The following GPC5 variants were observed in gnomAD, a reference collection of about 807,000 sequenced individuals.
GPC5 encodes glypican-5.
A neutral mutation model predicts 53.9 loss-of-function variants in GPC5; 47 were observed. The ratio of observed to expected loss-of-function variants is 0.87; its 90% confidence interval spans 0.69 to 1.11. GPC5 has a LOEUF of 1.11. Ranked by LOEUF, GPC5 falls within the 50% of genes most tolerant of loss-of-function variation. GPC5 has a pLI of 0.00. For synonymous variants in GPC5, 286 were observed against 263.3 expected (o/e 1.09, Z -0.84); for missense variants, 748 against 713.1 (o/e 1.05, Z -0.56).
Position 91,571,765 on chromosome 13 carries a change from A to ATGTGTATATACACACACATATACGTG in GPC5, c.326-121411_326-121386dup, listed in dbSNP as rs1278744477. 5.2e-3 allele frequency among the ~76,000 whole-genome samples: 352 copies of ATGTGTATATACACACACATATACGTG among 67,700 alleles called. 23 individuals are homozygous for ATGTGTATATACACACACATATACGTG. Among genetic ancestry groups the ATGTGTATATACACACACATATACGTG allele is most frequent in the Non-Finnish European group, 7.1e-3 (279 of 39,390 alleles). The allele number at this position is 67,700 out of a possible 152,430, so 44.4% of individuals were successfully genotyped here. A position where few individuals can be genotyped will look rare whatever the true frequency, so the allele number is the denominator to read the frequency against. ...TATATATACACACATATACATGTGT[A>ATGTGTATATACACACACATATACGTG]TGTGTATATACACACACATATACGT... On this transcript the variant is annotated intron_variant, in intron 2 of 7. Coordinates refer to ENST00000377067, the MANE Select transcript of GPC5 (RefSeq NM_004466.6).
rs192245253 is a variant in GPC5 at position 92,532,781 on chromosome 13, A to T, written c.1562-333501A>T. Reference sequence around the variant, plus strand: ...ATATTTTCAAGAGTGGTTATTTAACATTCTTATTTCACTTTCCTTCAGGGC... The same window carrying T: ...ATATTTTCAAGAGTGGTTATTTAACTTTCTTATTTCACTTTCCTTCAGGGC... On this transcript the variant is annotated intron_variant, in intron 7 of 7. Transcript: ENST00000377067. 2.8e-3 allele frequency among the ~76,000 whole-genome samples: 424 copies of T among 152,268 alleles called. 3 individuals carry two copies. Among genetic ancestry groups the T allele is most frequent in the African/African-American group, 9.5e-3 (396 of 41,570 alleles).
chr13:92,442,537 T>C (rs556140620), intron 7 of GPC5, among the ~76,000 whole-genome samples: 22 of 152,296 alleles, frequency 1.4e-4, no homozygotes, highest in African/African-American at 5.3e-4. Flanking sequence ...TTTAAATGTA[T>C]ATATCAACTG....
chr13:91,442,697 T>C (rs914072646), intron 1 of GPC5, among the ~76,000 whole-genome samples: 2 of 152,230 alleles, frequency 1.3e-5, no homozygotes, highest in African/African-American at 2.4e-5. Flanking sequence ...AGAGACAAGA[T>C]CAGACTCATG....
At chr13:92,030,589 A>C (rs1346796209) in intron 6 of GPC5, among the ~76,000 whole-genome samples, 1 of 151,880 alleles carries the variant, frequency 6.6e-6, no homozygotes, top group African/African-American at 2.4e-5. Flanking sequence ...CAACTCTCTA[A>C]GGCTTCTGCC....
chr13:92,285,148 A>C (rs995394993), intron 7 of GPC5, among the ~76,000 whole-genome samples: 3 of 152,302 alleles, frequency 2.0e-5, no homozygotes, highest in East Asian at 1.9e-4. Flanking sequence ...CAATTGCTTC[A>C]AAGAGAATAA....
intron 7 of GPC5, among the ~76,000 whole-genome samples, chr13:92,218,409 T>A (rs2042426024): frequency 6.6e-6 from 1 of 152,236 alleles, no homozygotes; most frequent in East Asian, 1.9e-4. Context: ...CAAGTGATGT[T>A]ACTTTAGGTA....
rs150764626 is a variant in GPC5 at position 92,094,456 on chromosome 13, G to T, written c.1402-50374G>T. On this transcript the variant is annotated intron_variant, in intron 6 of 7. Transcript: ENST00000377067. ...AATGGCGTTGAACCTGGGAGGCGGA[G>T]CTTGCAGTGAGCCGAAATCGTACCA... Among the ~76,000 whole-genome samples, 625 of 144,104 alleles carry T rather than the reference G, an allele frequency of 4.3e-3. 2 individuals are homozygous for T. Among genetic ancestry groups the T allele is most frequent in the Non-Finnish European group, 5.8e-3 (392 of 67,126 alleles). The allele number at this position is 144,104 out of a possible 152,430, so 94.5% of individuals were successfully genotyped here.
intron 4 of GPC5, among the ~76,000 whole-genome samples, chr13:91,739,567 G>T (rs1266084301): frequency 6.6e-6 from 1 of 151,172 alleles, no homozygotes; most frequent in African/African-American, 2.5e-5. Context: ...AGCTCAAGTG[G>T]GGCTGGAGTA....
chr13:91,910,270 C>G (rs2039597320), intron 6 of GPC5, among the ~76,000 whole-genome samples: 1 of 152,078 alleles, frequency 6.6e-6, no homozygotes, highest in African/African-American at 2.4e-5. Flanking sequence ...GGCTATTGTA[C>G]TGTCAATATC....
intron 7 of GPC5, among the ~76,000 whole-genome samples, chr13:92,178,134 C>T (rs1184641410): frequency 1.3e-5 from 2 of 152,254 alleles, no homozygotes; most frequent in South Asian, 4.1e-4. Context: ...GGAAGCTTAT[C>T]ATGAATACTA....
At chr13:92,768,159 G>GT (rs1235478129) in intron 7 of GPC5, among the ~76,000 whole-genome samples, 4 of 152,104 alleles carry the variant, frequency 2.6e-5, no homozygotes, top group South Asian at 4.1e-4. Flanking sequence ...CATAATTGCA[G>GT]TTTTTTCATA....
At chr13:91,658,609 C>T (rs566254103) in intron 2 of GPC5, among the ~76,000 whole-genome samples, 5 of 152,248 alleles carry the variant, frequency 3.3e-5, no homozygotes, top group African/African-American at 1.2e-4. Flanking sequence ...GCATCTGAAT[C>T]ATGTTTAATG....
At chr13:92,022,847 G>A (rs535882057) in intron 6 of GPC5, among the ~76,000 whole-genome samples, 35 of 151,868 alleles carry the variant, frequency 2.3e-4, no homozygotes, top group African/African-American at 6.7e-4. Flanking sequence ...AAAAATAAGC[G>A]TATGATATTA....
chr13:92,495,602 T>C, intron 7 of GPC5, among the ~76,000 whole-genome samples: 1 of 149,572 alleles, frequency 6.7e-6, no homozygotes, highest in East Asian at 2.0e-4. Flanking sequence ...ACAACAGGCC[T>C]ATCATTACAA....
intron 7 of GPC5, among the ~76,000 whole-genome samples, chr13:92,322,152 A>T (rs1182532222): frequency 3.3e-5 from 5 of 152,098 alleles, no homozygotes; most frequent in African/African-American, 9.7e-5. Flanking sequence ...TCAAGTGAGG[A>T]AACTGAGGCA....
At chr13:91,946,894 AT>A (rs781040730) in intron 6 of GPC5, among the ~76,000 whole-genome samples, 31 of 150,026 alleles carry the variant, frequency 2.1e-4, no homozygotes, top group African/African-American at 4.7e-4. Context: ...ATTAAAGCAC[AT>A]TTTTTTTTTC....
At chr13:91,909,444 G>A (rs2039588377) in intron 6 of GPC5, among the ~76,000 whole-genome samples, 1 of 152,096 alleles carries the variant, frequency 6.6e-6, no homozygotes, top group Admixed American at 6.6e-5. Flanking sequence ...AGTGGGATAA[G>A]CATTTCACAG....
At chr13:92,838,831 G>A (rs916050596) in intron 7 of GPC5, among the ~76,000 whole-genome samples, 4 of 152,142 alleles carry the variant, frequency 2.6e-5, no homozygotes, top group African/African-American at 7.2e-5. Context: ...AGAATTCAGC[G>A]ATTACATTAC....
At position 91,466,065 on chromosome 13, in the gene GPC5, C is replaced by T. The variant is rs112196084; in HGVS notation, c.325+17143C>T. ...TTACTTAAGGGTGTATGTCCACTGC[C>T]TGAACCCTGAAGGCCAGGCCACGAG... On this transcript the variant is annotated intron_variant, in intron 2 of 7. Coordinates refer to ENST00000377067, the MANE Select transcript of GPC5 (RefSeq NM_004466.6). Among the ~76,000 whole-genome samples the T allele has an allele frequency of 1.1e-4, 17 of 152,276 alleles. 1 individual carries two copies. The highest frequency in any genetic ancestry group is 3.9e-4 in the African/African-American group (16 of 41,544).
Sources: allele counts gnomAD v4.1 joint callset (sites outside exome capture counted in the v4.1 genomes callset), GRCh38; gene constraint gnomAD v4.1.1; transcripts MANE v1.5; gene names NCBI Gene and HGNC (gene_info 2026-07-23, HGNC 2026-07-21).